Variants in EFHC2 observed in about 807,000 individuals in gnomAD.
EFHC2 encodes the protein EF-hand domain-containing family member C2.
A neutral mutation model predicts 52.7 loss-of-function variants in EFHC2; 18 were observed. The ratio of observed to expected loss-of-function variants is 0.34; its 90% CI spans 0.24 to 0.51. EFHC2 has a LOEUF of 0.51. Ranked by LOEUF, EFHC2 falls within the 20% of genes least tolerant of loss-of-function variation. EFHC2 has a pLI of 0.97. For synonymous variants in EFHC2, 203 were observed against 204.1 expected (o/e 0.99, Z 0.04); for missense variants, 513 against 562.5 (o/e 0.91, Z 0.89).
chrX:44,242,887 G>A (rs1602172282), intron 7 of EFHC2, among the ~76,000 whole-genome samples: 1 of 111,338 alleles, frequency 9.0e-6, no homozygotes, highest in East Asian at 2.8e-4. Context: ...CACCAGCCAC[G>A]GCCCCAGGTA....
At chrX:44,323,510 A>C (rs915129593) in intron 1 of EFHC2, among the ~76,000 whole-genome samples, 1 of 111,934 alleles carries the variant, frequency 8.9e-6, no homozygotes, top group African/African-American at 3.3e-5. Flanking sequence ...AAGACACTGA[A>C]ACATGTTGAA....
chrX:44,219,518 A>G (rs73481091), intron 11 of EFHC2, among the ~76,000 whole-genome samples: 7,039 of 111,283 alleles, frequency 0.063, 247 homozygotes, highest in Admixed American at 0.13. Flanking sequence ...GAGATGTGTG[A>G]CAAAGCAAGT....
chrX:44,196,697 C>T (rs977775728), intron 11 of EFHC2, among the ~76,000 whole-genome samples: 3 of 112,266 alleles, frequency 2.7e-5, no homozygotes, highest in Middle Eastern at 9.2e-3. Flanking sequence ...GGGGCACATA[C>T]ATGCTTTCTA....
chrX:44,243,786 T>G, intron 7 of EFHC2, among the ~76,000 whole-genome samples: 1 of 107,239 alleles, frequency 9.3e-6, no homozygotes, highest in Non-Finnish European at 1.9e-5. Context: ...GCTATTTTTA[T>G]GGTGATTTTA....
intron 1 of EFHC2, among the ~76,000 whole-genome samples, chrX:44,322,961 C>T (rs1273650762): frequency 5.4e-5 from 6 of 110,290 alleles, no homozygotes; most frequent in Non-Finnish European, 9.5e-5. Context: ...TGCAGTAAGC[C>T]GAGATCGCAC....
At chrX:44,222,259 G>A in intron 11 of EFHC2, among the ~76,000 whole-genome samples, 2 of 111,365 alleles carry the variant, frequency 1.8e-5, no homozygotes, top group Admixed American at 1.9e-4. Context: ...ATAAGGACTT[G>A]TAGAAACTGA....
intron 11 of EFHC2, among the ~76,000 whole-genome samples, chrX:44,186,823 A>AAT (rs2036878846): frequency 9.0e-6 from 1 of 110,845 alleles, no homozygotes; most frequent in Non-Finnish European, 1.9e-5. Flanking sequence ...CACACTTTAA[A>AAT]ATATAAAATT....
At chrX:44,201,730 A>C (rs895970908) in intron 11 of EFHC2, among the ~76,000 whole-genome samples, 2 of 112,062 alleles carry the variant, frequency 1.8e-5, no homozygotes, top group African/African-American at 6.5e-5. Context: ...CCTTAAAAAA[A>C]CTGACAATAC....
intron 1 of EFHC2, among the ~76,000 whole-genome samples, chrX:44,340,676 C>T (rs1417935041): frequency 1.8e-5 from 2 of 111,238 alleles, no homozygotes; most frequent in Admixed American, 1.9e-4. Flanking sequence ...AAGCAGTGAC[C>T]AATAAATGGT....
At chrX:44,309,095 T>C (rs1380308263) in intron 2 of EFHC2, among the ~76,000 whole-genome samples, 1 of 112,683 alleles carries the variant, frequency 8.9e-6, no homozygotes, top group Non-Finnish European at 1.9e-5. Context: ...CCATTGTCAC[T>C]GCTATAGTAA....
intron 13 of EFHC2, among the ~76,000 whole-genome samples, chrX:44,176,032 T>A (rs1382849506): frequency 2.7e-5 from 3 of 112,420 alleles, no homozygotes; most frequent in African/African-American, 9.7e-5. Context: ...GTATTTCATT[T>A]TGTCCCAGGA....
intron 2 of EFHC2, among the ~76,000 whole-genome samples, chrX:44,307,369 C>A (rs1373352387): frequency 9.0e-6 from 1 of 111,507 alleles, no homozygotes; most frequent in Non-Finnish European, 1.9e-5. Context: ...TTTTGGCTTT[C>A]TTCATTTTAA....
intron 11 of EFHC2, among the ~76,000 whole-genome samples, chrX:44,192,463 T>C (rs1055324076): frequency 6.2e-5 from 7 of 112,042 alleles, no homozygotes; most frequent in African/African-American, 2.3e-4. Context: ...GTCTTCTATG[T>C]GACCTTTCAC....
At chrX:44,290,549 T>C (rs2147367121) in intron 2 of EFHC2, among the ~76,000 whole-genome samples, 1 of 87,883 alleles carries the variant, frequency 1.1e-5, no homozygotes, top group South Asian at 7.4e-4. Context: ...GCAGTCTATC[T>C]AGGCTGGTGT....
intron 11 of EFHC2, among the ~76,000 whole-genome samples, chrX:44,204,128 C>T (rs1341715175): frequency 1.8e-5 from 2 of 109,757 alleles, no homozygotes; most frequent in African/African-American, 3.3e-5. Flanking sequence ...CTGAAAGCAC[C>T]CAGAAATGAA....
At chrX:44,221,189 G>A (rs1048716746) in intron 11 of EFHC2, among the ~76,000 whole-genome samples, 3 of 110,907 alleles carry the variant, frequency 2.7e-5, no homozygotes, top group African/African-American at 9.8e-5. Context: ...TAATCCCCTG[G>A]CTCTTACACT....
chrX:44,321,349 C>G (rs1050754702), intron 1 of EFHC2, among the ~76,000 whole-genome samples: 1 of 110,833 alleles, frequency 9.0e-6, no homozygotes, highest in Admixed American at 9.8e-5. Context: ...ACCACTCAGA[C>G]AAGCAAGTAG....
chrX:44,202,322 G>C (rs997698101), intron 11 of EFHC2, among the ~76,000 whole-genome samples: 57 of 111,326 alleles, frequency 5.1e-4, no homozygotes, highest in African/African-American at 1.7e-3. Flanking sequence ...CTGAGGCAGA[G>C]AATTGTTTGA....
chrX:44,319,284 T>A (rs1196205855), intron 1 of EFHC2, among the ~76,000 whole-genome samples: 1 of 111,225 alleles, frequency 9.0e-6, no homozygotes, highest in Non-Finnish European at 1.9e-5. Flanking sequence ...ATTATAGGTA[T>A]AAGCCACTGC....
Sources: allele counts gnomAD v4.1 joint callset (sites outside exome capture counted in the v4.1 genomes callset), GRCh38; gene constraint gnomAD v4.1.1; transcripts MANE v1.5; gene names NCBI Gene and HGNC (gene_info 2026-07-23, HGNC 2026-07-21).